Variants in SGCZ observed in about 807,000 individuals in gnomAD.
SGCZ encodes zeta-sarcoglycan.
Under a neutral mutation model 41.3 loss-of-function variants are expected in SGCZ, and 40 were observed. That is an observed-to-expected ratio of 0.97 (90% CI 0.75 to 1.26). SGCZ has a LOEUF of 1.26. Among genes scored for constraint, SGCZ ranks in the 50% most tolerant of loss-of-function variants. SGCZ has a pLI of 0.00. For synonymous variants in SGCZ, 206 were observed against 137.5 expected, an observed-to-expected ratio of 1.50 and a Z score of -3.49; for missense variants, 552 against 369.8, an observed-to-expected ratio of 1.49 and a Z score of -4.04.
intron 3 of SGCZ, among the ~76,000 whole-genome samples, chr8:14,314,172 T>A (rs1350570272): frequency 6.6e-6 from 1 of 152,120 alleles, no homozygotes; most frequent in Non-Finnish European, 1.5e-5. Context: ...TTTTTGTTTG[T>A]TTATTTTTAA....
intron 2 of SGCZ, among the ~76,000 whole-genome samples, chr8:14,511,310 C>G (rs1426775878): frequency 1.3e-5 from 2 of 151,946 alleles, no homozygotes; most frequent in African/African-American, 4.8e-5. Flanking sequence ...ATCTTCTACT[C>G]TATGGCTACG....
At chr8:14,117,617 A>T (rs889112356) in intron 5 of SGCZ, among the ~76,000 whole-genome samples, 1 of 151,812 alleles carries the variant, frequency 6.6e-6, no homozygotes, top group Non-Finnish European at 1.5e-5. Flanking sequence ...TAAGTTCTGG[A>T]GTACCTGTGC....
intron 1 of SGCZ, among the ~76,000 whole-genome samples, chr8:14,886,003 ATAT>A (rs1309870216): frequency 1.0e-5 from 1 of 97,654 alleles, no homozygotes; most frequent in African/African-American, 3.9e-5. Context: ...ATATATATAT[ATAT>A]ATATATATAT....
chr8:14,982,519 C>T (rs1012847859), intron 1 of SGCZ, among the ~76,000 whole-genome samples: 11 of 152,130 alleles, frequency 7.2e-5, no homozygotes, highest in African/African-American at 2.7e-4. Context: ...AGCTTTGACT[C>T]CTCCCACGTG....
At chr8:14,254,711 T>C (rs978648971) in intron 3 of SGCZ, among the ~76,000 whole-genome samples, 1 of 152,130 alleles carries the variant, frequency 6.6e-6, no homozygotes, top group Non-Finnish European at 1.5e-5. Context: ...TGAATATGCA[T>C]ACTTACCATT....
chr8:15,103,076 G>A (rs931136631), intron 1 of SGCZ, among the ~76,000 whole-genome samples: 1 of 152,082 alleles, frequency 6.6e-6, no homozygotes, highest in Non-Finnish European at 1.5e-5. Context: ...GTTTCATAAG[G>A]AGAGATCGAA....
chr8:14,301,494 T>G (rs1053686640), intron 3 of SGCZ, among the ~76,000 whole-genome samples: 5 of 152,104 alleles, frequency 3.3e-5, no homozygotes, highest in Non-Finnish European at 5.9e-5. Context: ...ATTACACCTT[T>G]CCAAATTTCA....
chr8:14,115,955 C>T (rs1169213792), intron 5 of SGCZ, among the ~76,000 whole-genome samples: 1 of 152,028 alleles, frequency 6.6e-6, no homozygotes, highest in Non-Finnish European at 1.5e-5. Context: ...TTTCCACTGG[C>T]AGGTCATACC....
intron 1 of SGCZ, among the ~76,000 whole-genome samples, chr8:15,044,483 T>C (rs1465064807): frequency 6.6e-6 from 1 of 152,064 alleles, no homozygotes; most frequent in African/African-American, 2.4e-5. Context: ...AAAAGAAATA[T>C]TTTCCCCAAA....
At chr8:14,909,207 T>G (rs1799207925) in intron 1 of SGCZ, among the ~76,000 whole-genome samples, 1 of 152,192 alleles carries the variant, frequency 6.6e-6, no homozygotes, top group South Asian at 2.1e-4. Flanking sequence ...GAGACCAAAT[T>G]AAAGGAGGCT....
intron 1 of SGCZ, among the ~76,000 whole-genome samples, chr8:14,983,642 G>A (rs1390664516): frequency 6.6e-6 from 1 of 152,114 alleles, no homozygotes; most frequent in Non-Finnish European, 1.5e-5. Context: ...ACCGTGCCCA[G>A]CCTTGTCACT....
intron 1 of SGCZ, among the ~76,000 whole-genome samples, chr8:14,562,830 A>G (rs1255155757): frequency 6.6e-6 from 1 of 152,148 alleles, no homozygotes; most frequent in East Asian, 1.9e-4. Context: ...AAATGAGGAA[A>G]ATGAATGTGA....
intron 1 of SGCZ, among the ~76,000 whole-genome samples, chr8:15,097,725 TAAAA>T (rs764026112): frequency 4.3e-5 from 5 of 114,966 alleles, no homozygotes; most frequent in Non-Finnish European, 5.3e-5. Flanking sequence ...TGAGAGCTTA[TAAAA>T]AAAAAAATAT....
chr8:14,592,990 T>C (rs1805287907), intron 1 of SGCZ, among the ~76,000 whole-genome samples: 1 of 152,204 alleles, frequency 6.6e-6, no homozygotes, highest in Non-Finnish European at 1.5e-5. Context: ...GTTTCTGTTG[T>C]CTCTGACTTA....
intron 2 of SGCZ, among the ~76,000 whole-genome samples, chr8:14,370,244 C>A (rs1246452696): frequency 6.6e-6 from 1 of 151,914 alleles, no homozygotes; most frequent in Non-Finnish European, 1.5e-5. Context: ...TAATAGAGTA[C>A]AGTACTCAAA....
chr8:15,144,554 C>T (rs28408982), intron 1 of SGCZ, among the ~76,000 whole-genome samples: 14,491 of 151,964 alleles, frequency 0.095, 750 homozygotes, highest in East Asian at 0.18. Context: ...AACCACCTCC[C>T]GGGTTCAAGC....
At chr8:15,176,047 G>GA (rs1268857641) in intron 1 of SGCZ, among the ~76,000 whole-genome samples, 1 of 152,086 alleles carries the variant, frequency 6.6e-6, no homozygotes, top group Non-Finnish European at 1.5e-5. Flanking sequence ...CAATTTAAGT[G>GA]AAAAAATGGA....
chr8:14,520,268 C>A (rs1434656046), intron 2 of SGCZ, among the ~76,000 whole-genome samples: 1 of 152,138 alleles, frequency 6.6e-6, no homozygotes, highest in Non-Finnish European at 1.5e-5. Context: ...GAAGTGCTAT[C>A]TGGCAGCCAT....
rs10643012 is a variant in SGCZ at position 15,172,164 on chromosome 8, T to TA, written c.39+65420_39+65421insT. Among the ~76,000 whole-genome samples, 868 of 108,564 alleles carry TA rather than the reference T, an allele frequency of 8.0e-3. 11 individuals carry two copies. Among genetic ancestry groups the TA allele is most frequent in the Non-Finnish European group, 0.011 (575 of 50,898 alleles). 71.2% of individuals were successfully genotyped at this position (108,564 alleles called of 152,430 possible). A position where few individuals can be genotyped will look rare whatever the true frequency, so the allele number is the denominator to read the frequency against. On this transcript the variant is annotated intron_variant, in intron 1 of 7. Transcript: ENST00000382080. Reference sequence around the variant, plus strand: ...TGCCTTTTATACTCTGTTTTTTTTTTTTTTTTTTTTTTTTTGAGACGGAGT... The same window carrying TA: ...TGCCTTTTATACTCTGTTTTTTTTTTATTTTTTTTTTTTTTTGAGACGGAGT...
Sources: gnomAD v4.1 joint callset for allele counts (sites outside exome capture counted in the v4.1 genomes callset) on GRCh38, gnomAD v4.1.1 for gene constraint, MANE v1.5 for transcripts, NCBI Gene and HGNC (gene_info 2026-07-23, HGNC 2026-07-21) for gene names.